CFAP57: variants seen among roughly 807,000 people sequenced by gnomAD.
The protein encoded by CFAP57 is cilia and flagella associated protein 57.
Under a neutral mutation model 146.8 loss-of-function variants are expected in CFAP57, and 116 were observed. The ratio of observed to expected loss-of-function variants is 0.79; its 90% CI spans 0.68 to 0.92. The LOEUF (loss-of-function observed/expected upper bound fraction) is 0.92. Among genes scored for constraint, CFAP57 ranks in the 40% least tolerant of loss-of-function variants. CFAP57 has a pLI of 0.00. For missense variants in CFAP57, 1,377 were observed against 1,527.2 expected (o/e 0.90, Z 1.64); for synonymous variants, 518 against 552.8 (o/e 0.94, Z 0.88).
intron 7 of CFAP57, among the ~76,000 whole-genome samples, chr1:43,197,919 A>G (rs1216655574): frequency 1.3e-5 from 2 of 152,254 alleles, no homozygotes; most frequent in East Asian, 1.9e-4. Flanking sequence ...CACTGGGGAC[A>G]TGAAGAGATG....
chr1:43,234,185 T>C, intron 19 of CFAP57, 94 bp from the exon 20 acceptor site: 1 of 1,357,762 alleles, frequency 7.4e-7, no homozygotes, highest in Admixed American at 2.9e-5. Context: ...GAGGCATCTC[T>C]TTTCCCTTTC....
intron 21 of CFAP57, among the ~76,000 whole-genome samples, chr1:43,239,492 C>CG (rs1324778326): frequency 6.6e-6 from 1 of 151,910 alleles, no homozygotes; most frequent in Non-Finnish European, 1.5e-5. Flanking sequence ...CTCCACTTGC[C>CG]GGGGGGCCTT....
At chr1:43,246,476 C>G (rs571590520) in intron 22 of CFAP57, among the ~76,000 whole-genome samples, 2 of 152,026 alleles carry the variant, frequency 1.3e-5, no homozygotes, top group Non-Finnish European at 2.9e-5. Flanking sequence ...TATACACATA[C>G]AAAAGAATTA....
rs184725513 is a variant in CFAP57, at chr1:43,212,425, G to T, written c.1929+2509G>T. Among the ~76,000 whole-genome samples the T allele has an allele frequency of 7.6e-4, 116 of 152,240 alleles. 1 individual carries two copies. Among genetic ancestry groups the T allele is most frequent in the African/African-American group, 2.8e-3 (115 of 41,542 alleles). On this transcript the variant is annotated intron_variant, in intron 11 of 22. Coordinates refer to ENST00000372492, the MANE Select transcript of CFAP57 (RefSeq NM_001378189.1). ...AAAATGGCTTTTTTATTGATACGTAGTATTTGTACATATTATGAAGTACCT... is the reference window on the plus strand; with the variant it reads ...AAAATGGCTTTTTTATTGATACGTATTATTTGTACATATTATGAAGTACCT...
intron 11 of CFAP57, among the ~76,000 whole-genome samples, chr1:43,211,178 T>C (rs1644592853): frequency 6.6e-6 from 1 of 152,206 alleles, no homozygotes; most frequent in South Asian, 2.1e-4. Flanking sequence ...GGGTCCAAAG[T>C]AAATTACTAC....
intron 6 of CFAP57, among the ~76,000 whole-genome samples, chr1:43,187,470 TAA>T (rs1557741049): frequency 6.6e-6 from 1 of 152,110 alleles, no homozygotes; most frequent in African/African-American, 2.4e-5. Context: ...GTCCTTTTTT[TAA>T]TAACAACTTA....
chr1:43,199,194 C>T (rs1222795217), intron 8 of CFAP57, among the ~76,000 whole-genome samples, 196 bp from the exon 9 acceptor site: 1 of 152,138 alleles, frequency 6.6e-6, no homozygotes, highest in Non-Finnish European at 1.5e-5. Context: ...CAGCATCTGG[C>T]CACTATGAGT....
intron 2 of CFAP57, chr1:43,177,031 G>A (rs1410632196): frequency 7.0e-6 from 3 of 428,080 alleles, no homozygotes; most frequent in Non-Finnish European, 1.4e-5. Flanking sequence ...ACCACAGAGG[G>A]GCTTGCAGTT....
In CFAP57 at chr1:43,197,565, C is replaced by T; in HGVS notation, c.1135C>T (p.His379Tyr). ...LTEISKGEPA[H>Y]FEYLMYPLHS... ...GTGATTTCTCTAGGGGGAGCCTGCTCACTTTGAGTATTTGATGTATCCATT... is the reference window on the plus strand; with the variant it reads ...GTGATTTCTCTAGGGGGAGCCTGCTTACTTTGAGTATTTGATGTATCCATT... Residue 379 changes from histidine (H) to tyrosine (Y), a missense_variant, in exon 7 of 23, where the codon CAC becomes TAC. His to Tyr is a moderately conservative substitution (Grantham distance 83). Coordinates refer to ENST00000372492, the MANE Select transcript of CFAP57 (RefSeq NM_001378189.1). The T allele has an allele frequency of 6.2e-7, 1 of 1,614,094 alleles. No homozygotes were observed.
intron 2 of CFAP57, among the ~76,000 whole-genome samples, chr1:43,175,593 C>T (rs1301373186): frequency 6.6e-6 from 1 of 152,038 alleles, no homozygotes; most frequent in African/African-American, 2.4e-5. Flanking sequence ...TCACAGCAGT[C>T]TCAAACTCCT....
chr1:43,220,088 C>A (rs1449617393), intron 13 of CFAP57, among the ~76,000 whole-genome samples: 1 of 152,150 alleles, frequency 6.6e-6, no homozygotes, highest in East Asian at 1.9e-4. Context: ...TTAATCTGAT[C>A]TATAGTAGTA....
intron 5 of CFAP57, among the ~76,000 whole-genome samples, chr1:43,186,334 G>A (rs554172690): frequency 5.9e-5 from 9 of 152,146 alleles, no homozygotes; most frequent in African/African-American, 1.4e-4. Flanking sequence ...AGCCTAGGCC[G>A]GGCGCAGTTG....
intron 2 of CFAP57, among the ~76,000 whole-genome samples, chr1:43,179,928 C>T (rs1430643455): frequency 3.3e-5 from 5 of 152,000 alleles, no homozygotes; most frequent in Non-Finnish European, 5.9e-5. Context: ...ATTTATAGGC[C>T]AGGCGTGGTG....
Position 43,215,245 on chromosome 1 carries a change from T to A in CFAP57, c.1930-10T>A. On this transcript the variant is annotated splice_polypyrimidine_tract_variant and intron_variant, in intron 11 of 22. Coordinates refer to ENST00000372492, the MANE Select transcript of CFAP57 (RefSeq NM_001378189.1). ...GAAAGCTTCCTGGCCATGACCCTTT[T>A]TCTCTTCAGATGTTGCTTACCTTTG... is the stretch of plus-strand genomic sequence containing the variant. 1 of 1,551,034 alleles carries A rather than the reference T, an allele frequency of 6.4e-7. No individual in the cohort carries two copies. The highest frequency in any genetic ancestry group is 8.7e-7 in the Non-Finnish European group (1 of 1,146,996).
At chr1:43,174,667 T>G (rs1645102747) in intron 2 of CFAP57, among the ~76,000 whole-genome samples, 1 of 151,918 alleles carries the variant, frequency 6.6e-6, no homozygotes, top group African/African-American at 2.4e-5. Context: ...AATACAAAAA[T>G]CAGCTGGGCG....
At position 43,186,873 on chromosome 1, in the gene CFAP57, G is replaced by A. The variant is rs377491589; in HGVS notation, c.1122+14G>A. The A allele has an allele frequency of 5.6e-6, 9 of 1,613,900 alleles. No individual in the cohort carries two copies. The highest frequency in any genetic ancestry group is 5.3e-5 in the African/African-American group (4 of 74,932). On this transcript the variant is annotated intron_variant, in intron 6 of 22. Transcript: ENST00000372492. ...GAGATCAGCAAGGTGAGTCTTTCCA[G>A]CAATGGTCCTTCCAGACCAGGACCT...
In CFAP57 at chr1:43,184,146, G is replaced by A. The variant is rs561895437; in HGVS notation, c.761+269G>A. Among the ~76,000 whole-genome samples the A allele has an allele frequency of 1.1e-3, 174 of 152,144 alleles. 1 individual carries two copies. The highest frequency in any genetic ancestry group is 5.8e-4 in the East Asian group (3 of 5,180). On this transcript the variant is annotated intron_variant, in intron 4 of 22. Coordinates refer to ENST00000372492, the MANE Select transcript of CFAP57 (RefSeq NM_001378189.1). ...CTGGTCTTCAAAACTATAGTTTTTAGAAAATATATTTTCCAGTGGCTAATT... is the reference window on the plus strand; with the variant it reads ...CTGGTCTTCAAAACTATAGTTTTTAAAAAATATATTTTCCAGTGGCTAATT...
At chr1:43,206,986 C>A in intron 10 of CFAP57, 54 bp downstream of exon 10, 1 of 1,568,984 alleles carries the variant, frequency 6.4e-7, no homozygotes, top group African/African-American at 1.3e-5. Flanking sequence ...GCAGGGACAG[C>A]TTCCCGTGCT....
At position 43,235,984 on chromosome 1, in the gene CFAP57, C is replaced by A. The variant is rs189255957; in HGVS notation, c.3405+1346C>A. Among the ~76,000 whole-genome samples, 49 of 152,298 alleles carry A rather than the reference C, an allele frequency of 3.2e-4. No individual in the cohort carries two copies. In the East Asian group the frequency reaches 8.5e-3, roughly 26 times the overall value. On this transcript the variant is annotated intron_variant, in intron 21 of 22. Coordinates refer to ENST00000372492, the MANE Select transcript of CFAP57 (RefSeq NM_001378189.1). ...GCTAGCCAGAGGGTGTGAGCGTCAG[C>A]ATGAGGCTGCTGGGGCGGGCATCCT...
Sources: allele counts gnomAD v4.1 joint callset (sites outside exome capture counted in the v4.1 genomes callset), GRCh38; gene constraint gnomAD v4.1.1; transcripts MANE v1.5; gene names NCBI Gene and HGNC (gene_info 2026-07-23, HGNC 2026-07-21).